The following NAPA variants were observed in gnomAD, a reference collection of about 807,000 sequenced individuals.
The protein encoded by NAPA is alpha-soluble NSF attachment protein.
A neutral mutation model predicts 48.0 loss-of-function variants in NAPA; 18 were observed. That is an observed-to-expected ratio of 0.38 (90% CI 0.26 to 0.56). The LOEUF is 0.56. Among genes scored for constraint, NAPA ranks in the 20% least tolerant of loss-of-function variants. The pLI is 0.77. For missense variants in NAPA, 315 were observed against 385.0 expected (o/e 0.82, Z 1.52); for synonymous variants, 152 against 149.9 (o/e 1.01, Z -0.10).
intron 4 of NAPA, among the ~76,000 whole-genome samples, chr19:47,494,153 A>G (rs926274952): frequency 2.6e-5 from 4 of 152,230 alleles, no homozygotes; most frequent in Non-Finnish European, 5.9e-5. Flanking sequence ...CCCTGGGCTC[A>G]GCCAGACCTT....
downstream of NAPA, among the ~76,000 whole-genome samples, chr19:47,485,460 G>A (rs891299757): frequency 6.6e-6 from 1 of 152,128 alleles, no homozygotes; most frequent in East Asian, 1.9e-4. Flanking sequence ...TGGAGGTTTG[G>A]GTACTATGTG....
chr19:47,488,606 T>G, intron 10 of NAPA: 1 of 365,182 alleles, frequency 2.7e-6, no homozygotes, highest in Non-Finnish European at 4.9e-6. Context: ...GGGAGAAAGA[T>G]ATTGTAGCTT....
chr19:47,490,308 CGTGT>C (rs57195620), intron 9 of NAPA, among the ~76,000 whole-genome samples: 7 of 121,140 alleles, frequency 5.8e-5, no homozygotes, highest in Admixed American at 5.0e-4. Context: ...AGGGGTGTGT[CGTGT>C]GTGTGTAGTG....
At chr19:47,494,465 C>T (rs550985985) in intron 4 of NAPA, among the ~76,000 whole-genome samples, 10 of 152,148 alleles carry the variant, frequency 6.6e-5, no homozygotes, top group East Asian at 1.9e-4. Flanking sequence ...TGGCCAGGCA[C>T]GGTGGCTCAT....
chr19:47,509,019 T>C (rs971982420), intron 1 of NAPA, among the ~76,000 whole-genome samples: 1 of 151,936 alleles, frequency 6.6e-6, no homozygotes, highest in Non-Finnish European at 1.5e-5. Context: ...GAGACTGCAA[T>C]GAGCTATGAT....
At chr19:47,500,404 C>T (rs1259908691) in intron 3 of NAPA, among the ~76,000 whole-genome samples, 8 of 152,186 alleles carry the variant, frequency 5.3e-5, no homozygotes, top group Non-Finnish European at 8.8e-5. Flanking sequence ...CCGACACCAC[C>T]GACACGGTAG....
rs765206652 is a variant in NAPA, at chr19:47,514,983, T to TG, written c.-44dup. Reference sequence around the variant, plus strand: ...TCAGCAAAGCGCCTGACCCTGACCCTGGGAAGACTCAGCCGCGGCCGGGCC... The same window carrying TG: ...TCAGCAAAGCGCCTGACCCTGACCCTGGGGAAGACTCAGCCGCGGCCGGGCC... On this transcript the variant is annotated 5_prime_UTR_variant, in exon 1 of 11. Coordinates refer to ENST00000263354, the MANE Select transcript of NAPA (RefSeq NM_003827.4). The TG allele has an allele frequency of 1.3e-6, 2 of 1,586,778 alleles. No homozygotes were observed. The highest frequency in any genetic ancestry group is 3.4e-5 in the Admixed American group (2 of 58,408).
At chr19:47,505,870 C>T (rs1483485325) in intron 1 of NAPA, among the ~76,000 whole-genome samples, 1 of 152,100 alleles carries the variant, frequency 6.6e-6, no homozygotes, top group African/African-American at 2.4e-5. Flanking sequence ...CCACCCTCTG[C>T]TGTCCCTGGG....
intron 3 of NAPA, chr19:47,496,638 G>A (rs1331327972): frequency 1.1e-5 from 3 of 267,964 alleles, no homozygotes; most frequent in African/African-American, 2.3e-5. Flanking sequence ...GGGTCTCCAT[G>A]GTCACCCAGG....
chr19:47,497,865 G>A (rs566168545), intron 3 of NAPA, among the ~76,000 whole-genome samples: 1 of 152,342 alleles, frequency 6.6e-6, no homozygotes, highest in South Asian at 2.1e-4. Context: ...AGCTGGGGAG[G>A]AAGTGGGGGA....
chr19:47,502,972 C>A lies in NAPA; in HGVS notation c.178+451G>T, dbSNP rs180683278. On this transcript the variant is annotated intron_variant, in intron 2 of 10. Transcript: ENST00000263354. ...TAAAATAGGGATATTTATAGACTGA[C>A]CCTTAGGGCTGCTGTGCTAACGCAA... Among the ~76,000 whole-genome samples, 132 of 152,348 alleles carry A rather than the reference C, an allele frequency of 8.7e-4. 2 individuals are homozygous for A. Among genetic ancestry groups the A allele is most frequent in the African/African-American group, 3.1e-3 (130 of 41,578 alleles).
At chr19:47,486,192 T>C (rs1968072173), downstream of NAPA, among the ~76,000 whole-genome samples, 2 of 152,074 alleles carry the variant, frequency 1.3e-5, no homozygotes, top group Admixed American at 1.3e-4. Flanking sequence ...CTGTCTCTGC[T>C]AAAAATACAA....
At chr19:47,484,602 G>T (rs781619455), downstream of NAPA, 3 of 172,732 alleles carry the variant, frequency 1.7e-5, no homozygotes, top group Non-Finnish European at 3.7e-5. Flanking sequence ...TTTTAGAGAT[G>T]AAGGAATTGA....
intron 1 of NAPA, among the ~76,000 whole-genome samples, chr19:47,509,334 TAAAATAAAATAAAATAAATAAAATA>T (rs1568471309): frequency 5.0e-5 from 4 of 80,196 alleles, no homozygotes; most frequent in South Asian, 4.8e-4. Flanking sequence ...TAAAATAAAA[TAAAATAAAATAAAATAAATAAAATA>T]AAATAAAATA....
rs1968703507 is a variant in NAPA at position 47,506,899 on chromosome 19, C to T, written c.99-3397G>A. The T allele has an allele frequency of 1.3e-5, 2 of 152,378 alleles. No homozygotes were observed. Among genetic ancestry groups the T allele is most frequent in the Admixed American group, 6.5e-5 (1 of 15,306 alleles). 9.4% of individuals were successfully genotyped at this position (152,378 alleles called of 1,614,324 possible). On this transcript the variant is annotated intron_variant, in intron 1 of 10. Coordinates refer to ENST00000263354, the MANE Select transcript of NAPA (RefSeq NM_003827.4). This position sits in a 1 kb window ranked among gnomAD's most constrained non-coding sequence, Gnocchi z 4.0. ...TTCTTTTAGAAATGGGAGTGAAGTC[C>T]CCAAAGGGGGAAAGTGACGTGCCTA...
At chr19:47,500,175 A>G (rs115507116) in intron 3 of NAPA, among the ~76,000 whole-genome samples, 1 of 152,128 alleles carries the variant, frequency 6.6e-6, no homozygotes, top group East Asian at 1.9e-4. Context: ...ATTCCTCCCC[A>G]GGATGTAGGG....
chr19:47,490,303 T>G (rs1324056918), intron 9 of NAPA, among the ~76,000 whole-genome samples: 1 of 140,786 alleles, frequency 7.1e-6, no homozygotes, highest in East Asian at 2.2e-4. Flanking sequence ...GTGTGAGGGG[T>G]GTGTCGTGTG....
chr19:47,513,254 T>C (rs1052712680), intron 1 of NAPA, among the ~76,000 whole-genome samples: 1 of 152,220 alleles, frequency 6.6e-6, no homozygotes, highest in South Asian at 2.1e-4. Flanking sequence ...CACACTCATG[T>C]TTCTCAGTCT....
intron 2 of NAPA, among the ~76,000 whole-genome samples, chr19:47,502,559 CT>C (rs1406003892): frequency 6.6e-6 from 1 of 152,204 alleles, no homozygotes; most frequent in Non-Finnish European, 1.5e-5. Context: ...CCTCTGCACC[CT>C]GCCTCCATGG....
Sources: gnomAD v4.1 joint callset for allele counts (sites outside exome capture counted in the v4.1 genomes callset) on GRCh38, gnomAD v4.1.1 for gene constraint, Gnocchi (gnomAD v3.1) non-coding constraint, MANE v1.5 for transcripts, NCBI Gene and HGNC (gene_info 2026-07-23, HGNC 2026-07-21) for gene names.